The following STK33 variants were observed in gnomAD, a reference collection of about 807,000 sequenced individuals.
STK33 encodes the protein serine/threonine kinase 33.
STK33 carries 52 observed loss-of-function variants against 58.0 expected under a neutral mutation model. The ratio of observed to expected loss-of-function variants is 0.90; its 90% confidence interval spans 0.72 to 1.13. The LOEUF is 1.13. Among genes scored for constraint, STK33 ranks in the 50% most tolerant of loss-of-function variants. The pLI, the probability that STK33 is intolerant of heterozygous loss-of-function variation, is 0.00. For missense variants in STK33, 630 were observed against 604.2 expected (o/e 1.04, Z -0.45); for synonymous variants, 215 against 200.1 (o/e 1.07, Z -0.63).
At chr11:8,519,176 G>C (rs185336656) in intron 1 of STK33, among the ~76,000 whole-genome samples, 49 of 152,298 alleles carry the variant, frequency 3.2e-4, no homozygotes, top group African/African-American at 1.1e-3. Flanking sequence ...TAGAACTCAG[G>C]ATTAAGAAAC....
the STK33 span, among the ~76,000 whole-genome samples, chr11:8,371,698 C>T: frequency 1.4e-5 from 2 of 142,436 alleles, no homozygotes; most frequent in African/African-American, 5.1e-5. Flanking sequence ...TTTCTTTCCC[C>T]TTTCTTCCTT....
chr11:8,506,437 C>T (rs1158571225), intron 1 of STK33, among the ~76,000 whole-genome samples: 1 of 152,186 alleles, frequency 6.6e-6, no homozygotes, highest in Non-Finnish European at 1.5e-5. Context: ...TCTTACAGTT[C>T]TGTAAGTTAG....
chr11:8,517,477 C>T (rs769830188), intron 1 of STK33, among the ~76,000 whole-genome samples: 18 of 152,286 alleles, frequency 1.2e-4, no homozygotes, highest in South Asian at 6.2e-4. Flanking sequence ...CAAAGCTGGA[C>T]GGAGAATGAC....
intron 11 of STK33, among the ~76,000 whole-genome samples, chr11:8,443,145 T>C (rs778628623): frequency 4.6e-5 from 7 of 152,148 alleles, no homozygotes; most frequent in African/African-American, 1.2e-4. Flanking sequence ...ACAAAAACAA[T>C]GTGTCAAAGA....
At chr11:8,553,414 G>A (rs1264196959) in intron 1 of STK33, among the ~76,000 whole-genome samples, 1 of 151,640 alleles carries the variant, frequency 6.6e-6, no homozygotes, top group Non-Finnish European at 1.5e-5. Context: ...CCTGAGTGAT[G>A]TGTTGCCTTA....
intron 1 of STK33, among the ~76,000 whole-genome samples, chr11:8,555,739 G>T (rs1008003856): frequency 6.6e-6 from 1 of 151,986 alleles, no homozygotes; most frequent in African/African-American, 2.4e-5. Context: ...AAAAAGTGAG[G>T]TGATGAATAT....
At chr11:8,499,887 A>G (rs1951378410) in intron 1 of STK33, among the ~76,000 whole-genome samples, 1 of 151,936 alleles carries the variant, frequency 6.6e-6, no homozygotes, top group African/African-American at 2.4e-5. Flanking sequence ...ACATGGACAC[A>G]GGGAGGGGAA....
chr11:8,379,430 A>G, the STK33 span, among the ~76,000 whole-genome samples: 9 of 152,276 alleles, frequency 5.9e-5, no homozygotes, highest in South Asian at 1.9e-3. Flanking sequence ...TCTACAAATA[A>G]CTCAAACAGA....
intron 15 of STK33, among the ~76,000 whole-genome samples, chr11:8,403,102 G>C (rs1331191446): frequency 6.6e-6 from 1 of 152,180 alleles, no homozygotes; most frequent in African/African-American, 2.4e-5. Flanking sequence ...AGTTCTAAGG[G>C]GAAAGATTGT....
intron 14 of STK33, among the ~76,000 whole-genome samples, chr11:8,431,885 A>G (rs1943464789): frequency 6.6e-6 from 1 of 152,058 alleles, no homozygotes; most frequent in African/African-American, 2.4e-5. Context: ...CTTATCTGCC[A>G]GTCAAATTAA....
chr11:8,453,028 T>C, intron 10 of STK33, 122 bp from the exon 11 acceptor site: 2 of 821,520 alleles, frequency 2.4e-6, no homozygotes, highest in South Asian at 3.2e-5. Context: ...GGGAGGACTT[T>C]AATTGAATCA....
chr11:8,451,669 A>T (rs1020979918), intron 11 of STK33, among the ~76,000 whole-genome samples: 1 of 152,170 alleles, frequency 6.6e-6, no homozygotes, highest in Non-Finnish European at 1.5e-5. Flanking sequence ...TTGAAACTGG[A>T]TTGTGGTGAT....
the STK33 span, among the ~76,000 whole-genome samples, chr11:8,344,197 A>AC: frequency 2.9e-5 from 4 of 138,668 alleles, no homozygotes; most frequent in African/African-American, 1.1e-4. Context: ...AAAACAAACA[A>AC]AACACACACA....
the STK33 span, among the ~76,000 whole-genome samples, chr11:8,350,848 G>A: frequency 2.6e-5 from 4 of 152,138 alleles, no homozygotes; most frequent in Non-Finnish European, 4.4e-5. Flanking sequence ...CTGTAGCCAC[G>A]GAAGTGACTG....
intron 1 of STK33, among the ~76,000 whole-genome samples, chr11:8,484,698 A>G (rs1477197634): frequency 6.6e-6 from 1 of 152,238 alleles, no homozygotes; most frequent in Non-Finnish European, 1.5e-5. Flanking sequence ...TTATACCTTA[A>G]CAACTGATTG....
intron 6 of STK33, among the ~76,000 whole-genome samples, chr11:8,472,268 G>C (rs78036448): frequency 7.9e-5 from 12 of 151,578 alleles, no homozygotes; most frequent in African/African-American, 2.9e-4. Context: ...GTGTGTGTGT[G>C]TGTCAGAGTT....
chr11:8,527,162 G>A (rs950917278), intron 1 of STK33, among the ~76,000 whole-genome samples: 18 of 151,972 alleles, frequency 1.2e-4, no homozygotes, highest in African/African-American at 4.4e-4. Flanking sequence ...CATAGGAACG[G>A]ACGGGTTTTC....
At position 8,523,853 on chromosome 11, in the gene STK33, C is replaced by T. The variant is rs1215648535; in HGVS notation, c.-465-43239G>A. On this transcript the variant is annotated intron_variant, in intron 1 of 15. Transcript: ENST00000687296. ...GCTCATTGAGAATGGGCCATGATGACGATGGCGGTTTTGTCGAATAGAAAA... is the reference window on the plus strand; with the variant it reads ...GCTCATTGAGAATGGGCCATGATGATGATGGCGGTTTTGTCGAATAGAAAA... Among the ~76,000 whole-genome samples, 4 of 152,150 alleles carry T rather than the reference C, an allele frequency of 2.6e-5. No homozygotes were observed. The South Asian group carries it at 8.3e-4, about 31-fold the overall frequency.
chr11:8,399,358 T>C (rs536089178), intron 15 of STK33, among the ~76,000 whole-genome samples: 1 of 151,122 alleles, frequency 6.6e-6, no homozygotes, highest in African/African-American at 2.4e-5. Context: ...AACCTGCTCC[T>C]GAATGACTAC....
Sources: allele counts gnomAD v4.1 joint callset (sites outside exome capture counted in the v4.1 genomes callset), GRCh38; gene constraint gnomAD v4.1.1; transcripts MANE v1.5; gene names NCBI Gene and HGNC (gene_info 2026-07-23, HGNC 2026-07-21).